The following SPAG4 variants were observed in gnomAD, a reference collection of about 807,000 sequenced individuals.
The protein encoded by SPAG4 is sperm associated antigen 4.
Under a neutral mutation model 53.9 loss-of-function variants are expected in SPAG4, and 54 were observed. That is an observed-to-expected ratio of 1.00 (90% confidence interval 0.80 to 1.26). The LOEUF (loss-of-function observed/expected upper bound fraction) is 1.26. SPAG4 is among the 50% of genes most tolerant of loss of function. SPAG4 has a pLI of 0.00. For missense variants in SPAG4, 548 were observed against 568.6 expected (o/e 0.96, Z 0.37); for synonymous variants, 246 against 237.4 (o/e 1.04, Z -0.33).
At chr20:35,618,227 T>C in intron 5 of SPAG4, 97 bp downstream of exon 5, 1 of 1,281,020 alleles carries the variant, frequency 7.8e-7, no homozygotes, top group East Asian at 2.3e-5. Context: ...GGGGTGGGGG[T>C]AGTGCCAGAG....
In SPAG4 at chr20:35,620,996, G is replaced by GA; in HGVS notation, c.1289dup (p.Ser432GlnfsTer?). 6.2e-7 allele frequency: 1 copy of GA among 1,614,226 alleles called. No homozygotes were observed. Among genetic ancestry groups the GA allele is most frequent in the East Asian group, 2.2e-5 (1 of 44,886 alleles). On this transcript the variant is annotated frameshift_variant, in exon 12 of 12. Transcript: ENST00000374273. LOFTEE classifies it high-confidence loss of function. ...CGGTGTGCGAACCTCAGAGGGGGCA[G>GA]AGGGCAGTGCACAGGGGCCCCATTA...
chr20:35,616,009 G>T lies in SPAG4; in HGVS notation c.6G>T (p.Arg2=). M[R]RSSRPGSASS... ...CTAGGCAGCAGGGGGTCAGGATGCG[G>T]CGAAGCTCCCGCCCGGGCTCGGCCT... Residue 2 remains arginine (R), a synonymous_variant, in exon 1 of 12, where the codon CGG becomes CGT. Transcript: ENST00000374273. 6.2e-7 allele frequency: 1 copy of T among 1,611,218 alleles called. No homozygotes were observed.
Position 35,619,258 on chromosome 20 carries a change from G to C in SPAG4, c.857G>C (p.Trp286Ser). ...GCAGACAGGAACACTGCCTACTTCTGGAATCGCTTCAGCTTCTGGAACTAC... is the reference window on the plus strand; with the variant it reads ...GCAGACAGGAACACTGCCTACTTCTCGAATCGCTTCAGCTTCTGGAACTAC... The part of the protein sequence containing the change: ...DYADRNTAYF[W>S]NRFSFWNYAR... Residue 286 changes from tryptophan to serine, a missense_variant, in exon 9 of 12, where the codon TGG becomes TCG. Transcript: ENST00000374273. 1 of 1,614,044 alleles carries C rather than the reference G, an allele frequency of 6.2e-7. No individual in the cohort carries two copies.
chr20:35,616,877 G>T (rs961019446), intron 1 of SPAG4: 8 of 491,278 alleles, frequency 1.6e-5, no homozygotes, highest in Non-Finnish European at 2.9e-5. Flanking sequence ...TGATCCGCCC[G>T]CCTCGGCCTC....
intron 1 of SPAG4, 112 bp from the exon 2 acceptor site, chr20:35,617,016 AAGCCTGTG>A: frequency 1.5e-6 from 1 of 680,334 alleles, no homozygotes. Flanking sequence ...GGTGGGACCA[AAGCCTGTG>A]AGAGACTTCC....
intron 2 of SPAG4, 64 bp from the exon 3 acceptor site, chr20:35,617,456 A>T: frequency 7.2e-7 from 1 of 1,380,372 alleles, no homozygotes; most frequent in East Asian, 2.5e-5. Context: ...CCCGGACACC[A>T]CGCAGGCTGA....
chr20:35,618,036 A>C, intron 4 of SPAG4, 51 bp from the exon 5 acceptor site: 1 of 1,590,178 alleles, frequency 6.3e-7, no homozygotes, highest in Non-Finnish European at 8.6e-7. Context: ...TATGCCGGGG[A>C]AACCCATTCT....
chr20:35,619,075 ACCTGACCGG>A, intron 8 of SPAG4, 77 bp downstream of exon 8: 2 of 1,481,346 alleles, frequency 1.4e-6, no homozygotes, highest in East Asian at 2.3e-5. Flanking sequence ...AGACCCATGC[ACCTGACCGG>A]CCGAAGACAG....
At chr20:35,620,620 C>CT in intron 10 of SPAG4, 64 bp from the exon 11 acceptor site, 1 of 525,766 alleles carries the variant, frequency 1.9e-6, no homozygotes, top group Admixed American at 2.5e-5. Flanking sequence ...AAGTTTTCTT[C>CT]TCCCCGCCCC....
chr20:35,620,971 C>T lies in SPAG4; in HGVS notation c.1263C>T (p.His421=), dbSNP rs777022994. 14 of 1,614,052 alleles carry T rather than the reference C, an allele frequency of 8.7e-6. No individual in the cohort carries two copies. The highest frequency in any genetic ancestry group is 1.6e-4 in the Middle Eastern group (1 of 6,084). ...RFTCLYRVRA[H]GVRTSEGAEG... Reference sequence around the variant, plus strand: ...CGTGCTTGTATCGAGTCCGTGCCCACGGTGTGCGAACCTCAGAGGGGGCAG... The same window carrying T: ...CGTGCTTGTATCGAGTCCGTGCCCATGGTGTGCGAACCTCAGAGGGGGCAG... The change falls in exon 12 of 12, where the codon CAC becomes CAT. Residue 421 remains histidine, a synonymous_variant. Transcript: ENST00000374273.
At chr20:35,616,844 G>A in intron 1 of SPAG4, 1 of 426,708 alleles carries the variant, frequency 2.3e-6, no homozygotes, top group South Asian at 2.9e-5. Flanking sequence ...TAATCAGGCT[G>A]GCCTCGAACT....
Position 35,619,182 on chromosome 20 carries a change from C to T in SPAG4, c.794-13C>T. 1 of 1,560,942 alleles carries T rather than the reference C, an allele frequency of 6.4e-7. No homozygotes were observed. The highest frequency in any genetic ancestry group is 8.7e-7 in the Non-Finnish European group (1 of 1,146,774). On this transcript the variant is annotated splice_polypyrimidine_tract_variant and intron_variant, in intron 8 of 11. Transcript: ENST00000374273. ...GCCTGGGAGCCTCTGAGGGTTACTT[C>T]TCACTGTTCCAGGAGCCTCCATCGA...
At chr20:35,620,220 C>G (rs2031529009) in intron 10 of SPAG4, among the ~76,000 whole-genome samples, 1 of 152,178 alleles carries the variant, frequency 6.6e-6, no homozygotes, top group African/African-American at 2.4e-5. Context: ...ATCCGCCTTC[C>G]TCGGCCTTCT....
chr20:35,615,897 C>G lies in SPAG4; in HGVS notation c.-107C>G. The G allele has an allele frequency of 8.9e-7, 1 of 1,119,492 alleles. No homozygotes were observed. Among genetic ancestry groups the G allele is most frequent in the Non-Finnish European group, 1.2e-6 (1 of 809,780 alleles). The allele number at this position is 1,119,492 out of a possible 1,614,324, so 69.3% of individuals were successfully genotyped here. A position where few individuals can be genotyped will look rare whatever the true frequency, so the allele number is the denominator to read the frequency against. ...GGCCGCGGGGCCTGCCGACTTCACG[C>G]AGGGTCCGTGGGGTCCCCGCGGCGC... On this transcript the variant is annotated 5_prime_UTR_variant, in exon 1 of 12. Coordinates refer to ENST00000374273, the MANE Select transcript of SPAG4 (RefSeq NM_003116.3).
At chr20:35,618,306 G>A in intron 5 of SPAG4, 144 bp from the exon 6 acceptor site, 2 of 1,134,586 alleles carry the variant, frequency 1.8e-6, no homozygotes, top group South Asian at 2.7e-5. Context: ...GGTCTCTTGG[G>A]GGCTCTGATA....
At chr20:35,620,624 C>CCA in intron 10 of SPAG4, 60 bp from the exon 11 acceptor site, 4 of 436,138 alleles carry the variant, frequency 9.2e-6, no homozygotes, top group South Asian at 4.2e-5. Flanking sequence ...TTTCTTCTCC[C>CCA]CGCCCCCCCC....
At position 35,619,684 on chromosome 20, in the gene SPAG4, C is replaced by A; in HGVS notation, c.1015C>A (p.Pro339Thr). ...VQLSDITLQH[P>T]PPSVEHTGGA... The stretch of plus-strand genomic sequence containing the variant: ...GCTGAGCGACATCACTCTGCAGCAT[C>A]CACCGCCCAGCGTGGAGCACACCGG... Residue 339 changes from proline (P) to threonine (T), a missense_variant, in exon 10 of 12, where the codon CCA becomes ACA. Coordinates refer to ENST00000374273, the MANE Select transcript of SPAG4 (RefSeq NM_003116.3). 1 of 1,613,922 alleles carries A rather than the reference C, an allele frequency of 6.2e-7. No individual in the cohort carries two copies. Among genetic ancestry groups the A allele is most frequent in the South Asian group, 1.1e-5 (1 of 91,090 alleles).
chr20:35,618,607 T>C lies in SPAG4; in HGVS notation c.609-5T>C, dbSNP rs2031465529. 1.3e-6 allele frequency: 2 copies of C among 1,599,752 alleles called. No individual in the cohort carries two copies. The highest frequency in any genetic ancestry group is 1.3e-5 in the African/African-American group (1 of 74,916). ...AACCCCACGGCGCCCACCTCCCACC[T>C]CCAGTGAGTACCACGAGCGCGTGCG... is the stretch of plus-strand genomic sequence containing the variant. On this transcript the variant is annotated splice_region_variant and splice_polypyrimidine_tract_variant and intron_variant, in intron 6 of 11. Transcript: ENST00000374273.
chr20:35,620,504 T>A (rs997286025), intron 10 of SPAG4, among the ~76,000 whole-genome samples, 180 bp from the exon 11 acceptor site: 2 of 151,976 alleles, frequency 1.3e-5, no homozygotes, highest in Non-Finnish European at 2.9e-5. Context: ...AATAAATAAA[T>A]AAAACCTGGT....
Sources: allele counts gnomAD v4.1 joint callset (sites outside exome capture counted in the v4.1 genomes callset), GRCh38; gene constraint gnomAD v4.1.1; transcripts MANE v1.5; gene names NCBI Gene and HGNC (gene_info 2026-07-23, HGNC 2026-07-21).